The following PSMA1 variants were observed in gnomAD, a reference collection of about 807,000 sequenced individuals.
The protein encoded by PSMA1 is proteasome 20S subunit alpha 1, also known as proteasome subunit alpha type-1.
A neutral mutation model predicts 38.4 loss-of-function variants in PSMA1; 3 were observed. That is an observed-to-expected ratio of 0.08 (90% CI 0.04 to 0.20). The LOEUF (loss-of-function observed/expected upper bound fraction) is 0.20. Among genes scored for constraint, PSMA1 ranks in the 10% least tolerant of loss-of-function variants. The probability of loss-of-function intolerance (pLI) is 1.00; values close to 1 mark genes in which losing one functional copy is unlikely to be tolerated. For synonymous variants in PSMA1, 101 were observed against 107.1 expected (o/e 0.94, Z 0.35); for missense variants, 227 against 325.3 (o/e 0.70, Z 2.32).
At chr11:14,544,276 C>T (rs969382352) in intron 2 of PSMA1, among the ~76,000 whole-genome samples, 2 of 152,242 alleles carry the variant, frequency 1.3e-5, no homozygotes, top group Non-Finnish European at 2.9e-5. Context: ...TCAAGCAACC[C>T]GCCCGCCTTG....
chr11:14,545,209 A>C (rs1851813257), intron 2 of PSMA1, among the ~76,000 whole-genome samples: 1 of 152,252 alleles, frequency 6.6e-6, no homozygotes, highest in Non-Finnish European at 1.5e-5. Flanking sequence ...ACACATAAGA[A>C]TCCAAAGCAA....
At position 14,611,760 on chromosome 11, in the gene PSMA1, C is replaced by T. The variant is rs188557847; in HGVS notation, c.-165-609G>A. 3.3e-5 allele frequency among the ~76,000 whole-genome samples: 5 copies of T among 152,222 alleles called. No homozygotes were observed. In the East Asian group the frequency reaches 9.7e-4, roughly 29 times the overall value. On this transcript the variant is annotated intron_variant, in intron 1 of 10. Coordinates refer to the PSMA1 transcript ENST00000418988. ...TTGTTCCTTCCTTTCCTCCTTCCCA[C>T]CCTCCCTTCCATGCTCTCTCTCTCT...
chr11:14,599,027 G>A (rs1230505420), intron 2 of PSMA1, among the ~76,000 whole-genome samples: 4 of 152,042 alleles, frequency 2.6e-5, no homozygotes, highest in African/African-American at 4.8e-5. Flanking sequence ...GAAATTCTGG[G>A]TTGAAAATTC....
intron 2 of PSMA1, among the ~76,000 whole-genome samples, chr11:14,553,188 A>T (rs1589990861): frequency 6.6e-6 from 1 of 152,120 alleles, no homozygotes; most frequent in Non-Finnish European, 1.5e-5. Flanking sequence ...TTATAGATTC[A>T]TAGGAAATTC....
rs567719201 is a variant in PSMA1 at position 14,574,956 on chromosome 11, C to A, written c.21+36010G>T. ...ACTGGGTAACAGGCAGAGGTTGGAA[C>A]AGTTTGGAGGGCTCAGAAGAAGAAA... On this transcript the variant is annotated intron_variant, in intron 2 of 10. Transcript: ENST00000418988. Among the ~76,000 whole-genome samples, 75 of 152,272 alleles carry A rather than the reference C, an allele frequency of 4.9e-4. 3 individuals are homozygous for A. The South Asian group carries it at 0.015, about 31-fold the overall frequency.
intron 1 of PSMA1, among the ~76,000 whole-genome samples, chr11:14,637,138 C>T (rs1853121222): frequency 6.6e-6 from 1 of 152,160 alleles, no homozygotes; most frequent in African/African-American, 2.4e-5. Context: ...TGGCTTCCAC[C>T]TATCTATCCA....
intron 2 of PSMA1, among the ~76,000 whole-genome samples, chr11:14,542,497 T>C (rs1411540589): frequency 6.6e-6 from 1 of 152,224 alleles, no homozygotes; most frequent in Non-Finnish European, 1.5e-5. Context: ...CCTTCCCCTA[T>C]TGTGTCACCT....
upstream of PSMA1, among the ~76,000 whole-genome samples, chr11:14,523,419 C>T (rs1321432152): frequency 6.6e-6 from 1 of 151,376 alleles, no homozygotes; most frequent in Non-Finnish European, 1.5e-5. Context: ...TACAGGTGCA[C>T]ACCACCATAC....
chr11:14,520,377 A>G lies in PSMA1; in HGVS notation c.-78T>C. The stretch of plus-strand genomic sequence containing the variant: ...GTGCTGCCGAAAGTATCGCTCAGCG[A>G]TCTACAGAGAAGTCTGCGGGAGTTT... On this transcript the variant is annotated 5_prime_UTR_variant, in exon 1 of 10. Transcript: ENST00000396394. 1 of 1,614,062 alleles carries G rather than the reference A, an allele frequency of 6.2e-7. No individual in the cohort carries two copies. The highest frequency in any genetic ancestry group is 8.5e-7 in the Non-Finnish European group (1 of 1,179,960).
At chr11:14,553,147 AT>A (rs1851905229) in intron 2 of PSMA1, among the ~76,000 whole-genome samples, 1 of 152,000 alleles carries the variant, frequency 6.6e-6, no homozygotes. Context: ...TATAAGATAC[AT>A]TTTTTTGGAA....
intron 2 of PSMA1, among the ~76,000 whole-genome samples, chr11:14,536,732 C>A (rs1171468192): frequency 1.6e-4 from 25 of 152,068 alleles, no homozygotes; most frequent in Admixed American, 1.6e-3. Flanking sequence ...CTGCCTCAGC[C>A]TCCCGAGTAG....
intron 2 of PSMA1, among the ~76,000 whole-genome samples, chr11:14,518,597 C>T (rs1258530277): frequency 2.0e-5 from 3 of 152,274 alleles, no homozygotes; most frequent in East Asian, 3.9e-4. Flanking sequence ...ACACTACCTG[C>T]ATTATTAACT....
chr11:14,525,099 T>A (rs1011706053), upstream of PSMA1, among the ~76,000 whole-genome samples: 2 of 152,136 alleles, frequency 1.3e-5, no homozygotes, highest in African/African-American at 4.8e-5. Flanking sequence ...CCATAACTGT[T>A]GTGGGTATTG....
rs34292683 is a variant in PSMA1 at position 14,616,231 on chromosome 11, GT to G, written c.-165-5081del. ...AGGTGAGAGTTGGAGGATCCCAACA[GT>G]TTTTTTTTTTTTTTTTTTTGAGACA... On this transcript the variant is annotated intron_variant, in intron 1 of 10. Coordinates refer to the PSMA1 transcript ENST00000418988. Among the ~76,000 whole-genome samples the G allele has an allele frequency of 2.3e-3, 286 of 126,642 alleles. 19 individuals carry two copies. The highest frequency in any genetic ancestry group is 4.2e-3 in the African/African-American group (146 of 34,706). 83.1% of individuals were successfully genotyped at this position (126,642 alleles called of 152,430 possible). A position where few individuals can be genotyped will look rare whatever the true frequency, so the allele number is the denominator to read the frequency against.
At chr11:14,628,073 T>A (rs1852938615) in intron 1 of PSMA1, among the ~76,000 whole-genome samples, 1 of 152,194 alleles carries the variant, frequency 6.6e-6, no homozygotes, top group Admixed American at 6.5e-5. Context: ...CATTAGATTC[T>A]CATAGGAACA....
At chr11:14,552,236 A>G (rs1851893830) in intron 2 of PSMA1, among the ~76,000 whole-genome samples, 1 of 152,178 alleles carries the variant, frequency 6.6e-6, no homozygotes, top group African/African-American at 2.4e-5. Flanking sequence ...AAAGTTCCCG[A>G]GTCCGAAGCA....
At chr11:14,518,094 A>T in intron 2 of PSMA1, 113 bp from the exon 3 acceptor site, 4 of 766,310 alleles carry the variant, frequency 5.2e-6, no homozygotes, top group Non-Finnish European at 8.0e-6. Context: ...TTTTTTTTTT[A>T]ATCAAGAGAC....
intron 2 of PSMA1, among the ~76,000 whole-genome samples, chr11:14,610,165 C>T (rs1021284873): frequency 6.6e-6 from 1 of 152,204 alleles, no homozygotes; most frequent in Non-Finnish European, 1.5e-5. Flanking sequence ...CAGAGAGCGG[C>T]ATTTGCAACA....
intron 2 of PSMA1, among the ~76,000 whole-genome samples, chr11:14,566,130 G>C (rs1008015946): frequency 6.6e-6 from 1 of 152,186 alleles, no homozygotes; most frequent in Admixed American, 6.5e-5. Context: ...AATGGGGCTA[G>C]GGCTTTGGCT....
Sources: gnomAD v4.1 joint callset for allele counts (sites outside exome capture counted in the v4.1 genomes callset) on GRCh38, gnomAD v4.1.1 for gene constraint, MANE v1.5 for transcripts, NCBI Gene and HGNC (gene_info 2026-07-23, HGNC 2026-07-21) for gene names.